The following MTURN variants were observed in gnomAD, a reference collection of about 807,000 sequenced individuals.
MTURN encodes maturin.
Under a neutral mutation model 14.9 loss-of-function variants are expected in MTURN, and 7 were observed. The ratio of observed to expected loss-of-function variants is 0.47; its 90% CI spans 0.27 to 0.88. The LOEUF is 0.88. Ranked by LOEUF, MTURN falls within the 40% of genes least tolerant of loss-of-function variation. MTURN has a pLI of 0.14. For missense variants in MTURN, 151 were observed against 174.1 expected (o/e 0.87, Z 0.75); for synonymous variants, 69 against 72.5 (o/e 0.95, Z 0.25).
intron 2 of MTURN, among the ~76,000 whole-genome samples, chr7:30,154,013 T>G (rs1251209714): frequency 6.6e-6 from 1 of 152,146 alleles, no homozygotes; most frequent in Non-Finnish European, 1.5e-5. Context: ...CCACCGTGCC[T>G]GGCCTAAACC....
At chr7:30,154,149 G>C (rs1262833248) in intron 2 of MTURN, among the ~76,000 whole-genome samples, 2 of 152,162 alleles carry the variant, frequency 1.3e-5, no homozygotes, top group Non-Finnish European at 2.9e-5. Flanking sequence ...GCAGGGGCTG[G>C]GCAGGAGAAT....
chr7:30,157,590 A>G lies in MTURN; in HGVS notation c.*42A>G. 1.4e-6 allele frequency: 2 copies of G among 1,479,792 alleles called. No homozygotes were observed. Among genetic ancestry groups the G allele is most frequent in the African/African-American group, 1.4e-5 (1 of 70,032 alleles). 91.7% of individuals were successfully genotyped at this position (1,479,792 alleles called of 1,614,324 possible). A position where few individuals can be genotyped will look rare whatever the true frequency, so the allele number is the denominator to read the frequency against. On this transcript the variant is annotated 3_prime_UTR_variant, in exon 3 of 3. Transcript: ENST00000324453. Reference sequence around the variant, plus strand: ...GAGAAGGAGAGTGAGCCCCACAGTAACCTAGGTGGGGTCACTGCCCCTCCT... The same window carrying G: ...GAGAAGGAGAGTGAGCCCCACAGTAGCCTAGGTGGGGTCACTGCCCCTCCT...
chr7:30,149,245 C>T (rs1303780357), intron 2 of MTURN, among the ~76,000 whole-genome samples: 1 of 152,212 alleles, frequency 6.6e-6, no homozygotes, highest in Non-Finnish European at 1.5e-5. Context: ...AGATGTGTCA[C>T]GTGGGCCCAC....
chr7:30,142,320 G>A (rs1797063704), intron 1 of MTURN, among the ~76,000 whole-genome samples: 1 of 152,164 alleles, frequency 6.6e-6, no homozygotes, highest in South Asian at 2.1e-4. Flanking sequence ...GACCACTCAG[G>A]CCAGGTTCGA....
intron 2 of MTURN, among the ~76,000 whole-genome samples, chr7:30,155,573 C>T (rs531434726): frequency 2.0e-5 from 3 of 152,306 alleles, no homozygotes; most frequent in Middle Eastern, 3.4e-3. Flanking sequence ...AGCACCCTCT[C>T]CGGGGAGCTG....
intron 1 of MTURN, among the ~76,000 whole-genome samples, chr7:30,143,559 G>A (rs1354371039): frequency 3.9e-5 from 6 of 152,076 alleles, no homozygotes; most frequent in African/African-American, 1.2e-4. Context: ...CCGAATCTGA[G>A]TCCAAACCCC....
intron 2 of MTURN, among the ~76,000 whole-genome samples, chr7:30,154,309 C>G (rs1246610635): frequency 6.6e-6 from 1 of 152,184 alleles, no homozygotes; most frequent in Non-Finnish European, 1.5e-5. Flanking sequence ...TGACCTCCAC[C>G]TGGCAACATT....
At chr7:30,152,330 G>C (rs565462390) in intron 2 of MTURN, among the ~76,000 whole-genome samples, 1 of 152,160 alleles carries the variant, frequency 6.6e-6, no homozygotes, top group African/African-American at 2.4e-5. Context: ...CCCACCAGGG[G>C]TTTCCCCATA....
chr7:30,146,334 T>C (rs1313933251), intron 2 of MTURN, 35 bp downstream of exon 2: 1 of 1,611,298 alleles, frequency 6.2e-7, no homozygotes, highest in African/African-American at 1.3e-5. Flanking sequence ...CACAGCTTGT[T>C]TTCTATGGTG....
chr7:30,138,295 C>T (rs1259774976), intron 1 of MTURN, among the ~76,000 whole-genome samples: 6 of 151,902 alleles, frequency 3.9e-5, no homozygotes, highest in East Asian at 1.9e-4. Flanking sequence ...TTCTATTTTT[C>T]GTAGAGACAG....
rs1797340786 is a variant in MTURN, at chr7:30,159,664, C to G, written c.*2116C>G. 1 of 152,592 alleles carries G rather than the reference C, an allele frequency of 6.6e-6. No individual in the cohort carries two copies. The highest frequency in any genetic ancestry group is 1.5e-5 in the Non-Finnish European group (1 of 68,042). The allele number at this position is 152,592 out of a possible 1,614,324, so 9.5% of individuals were successfully genotyped here. ...GAGAATTCTGGGCTTTGTTTTGCAC[C>G]AGGGGTAGGAAACAGAGAACATGTC... is the stretch of plus-strand genomic sequence containing the variant. On this transcript the variant is annotated 3_prime_UTR_variant, in exon 3 of 3. Transcript: ENST00000324453.
rs553922912 is a variant in MTURN at position 30,160,924 on chromosome 7, A to T, written c.*3376A>T. The T allele has an allele frequency of 6.6e-6, 1 of 152,656 alleles. No homozygotes were observed. The highest frequency in any genetic ancestry group is 1.5e-5 in the Non-Finnish European group (1 of 68,052). The allele number at this position is 152,656 out of a possible 1,614,324, so 9.5% of individuals were successfully genotyped here. A position where few individuals can be genotyped will look rare whatever the true frequency, so the allele number is the denominator to read the frequency against. The stretch of plus-strand genomic sequence containing the variant: ...GGTGCAATGGAAAAGTCTCTTATGT[A>T]GGGATCCTCCTTGTGTCCTGGTGCC... On this transcript the variant is annotated 3_prime_UTR_variant, in exon 3 of 3. Transcript: ENST00000324453.
chr7:30,140,415 G>GTATATATATATATA (rs767262743), intron 1 of MTURN, among the ~76,000 whole-genome samples: 52 of 143,816 alleles, frequency 3.6e-4, no homozygotes, highest in African/African-American at 1.1e-3. Context: ...GTGTGTGTGT[G>GTATATATATATATA]TATCCCCATT....
Position 30,146,180 on chromosome 7 carries a change from G to C in MTURN, c.166G>C (p.Val56Leu), listed in dbSNP as rs200455267. The C allele has an allele frequency of 2.5e-6, 4 of 1,614,164 alleles. No homozygotes were observed. The South Asian group carries it at 4.4e-5, about 18-fold the overall frequency. ...PDNGCGDNFHVWSESEDCLPF... is the reference protein window; with the variant it reads ...PDNGCGDNFHLWSESEDCLPF... ...TCCGTCGCCCGTGGGCACGCAGCACGTGTGGAGTGAGAGCGAGGACTGCCT... is the reference window on the plus strand; with the variant it reads ...TCCGTCGCCCGTGGGCACGCAGCACCTGTGGAGTGAGAGCGAGGACTGCCT... The change falls in exon 2 of 3, where the codon GTG becomes CTG. Residue 56 changes from valine (V) to leucine (L), a missense_variant. Transcript: ENST00000324453.
In MTURN at chr7:30,149,659, T is replaced by C. The variant is rs116694785; in HGVS notation, c.285+3360T>C. On this transcript the variant is annotated intron_variant, in intron 2 of 2. Coordinates refer to ENST00000324453, the MANE Select transcript of MTURN (RefSeq NM_152793.3). Reference sequence around the variant, plus strand: ...GTTTGTTTTACGTAAGGGAGGTTTGTTACAGATAAGACATAGGTAGGGGTT... The same window carrying C: ...GTTTGTTTTACGTAAGGGAGGTTTGCTACAGATAAGACATAGGTAGGGGTT... 5.4e-3 allele frequency among the ~76,000 whole-genome samples: 821 copies of C among 152,322 alleles called. 7 individuals are homozygous for C. Among genetic ancestry groups the C allele is most frequent in the African/African-American group, 0.018 (757 of 41,570 alleles).
At chr7:30,137,564 T>A in intron 1 of MTURN, 1 of 469,810 alleles carries the variant, frequency 2.1e-6, no homozygotes, top group Non-Finnish European at 4.4e-6. Flanking sequence ...GATAGAAAGA[T>A]AGAGGATGGG....
intron 1 of MTURN, among the ~76,000 whole-genome samples, chr7:30,139,290 G>A (rs1797012670): frequency 6.6e-6 from 1 of 152,194 alleles, no homozygotes; most frequent in African/African-American, 2.4e-5. Flanking sequence ...CTTTACATAT[G>A]CCAACTCATT....
At position 30,158,137 on chromosome 7, in the gene MTURN, C is replaced by T. The variant is rs565498785; in HGVS notation, c.*589C>T. On this transcript the variant is annotated 3_prime_UTR_variant, in exon 3 of 3. Coordinates refer to ENST00000324453, the MANE Select transcript of MTURN (RefSeq NM_152793.3). ...GCCCAGAAGCCTTTAAGTGTTTTGCCATTACTGAGTTACCTGGGTATGTAG... is the reference window on the plus strand; with the variant it reads ...GCCCAGAAGCCTTTAAGTGTTTTGCTATTACTGAGTTACCTGGGTATGTAG... 1 of 152,230 alleles carries T rather than the reference C, an allele frequency of 6.6e-6. No homozygotes were observed. 9.4% of individuals were successfully genotyped at this position (152,230 alleles called of 1,614,324 possible).
chr7:30,151,334 G>A (rs144707997), intron 2 of MTURN, among the ~76,000 whole-genome samples: 53 of 152,278 alleles, frequency 3.5e-4, no homozygotes, highest in African/African-American at 9.6e-4. Flanking sequence ...TTGGATAATC[G>A]TCAGAACCTT....
Sources: allele counts gnomAD v4.1 joint callset (sites outside exome capture counted in the v4.1 genomes callset), GRCh38; gene constraint gnomAD v4.1.1; transcripts MANE v1.5; gene names NCBI Gene and HGNC (gene_info 2026-07-23, HGNC 2026-07-21).